The following MSI2 variants were observed in gnomAD, a reference collection of about 807,000 sequenced individuals.
MSI2 encodes musashi RNA binding protein 2.
In MSI2, 17 loss-of-function variants were observed where a neutral mutation model predicts 45.6. That is an observed-to-expected ratio of 0.37 (90% CI 0.26 to 0.56). The LOEUF is 0.56. Among genes scored for constraint, MSI2 ranks in the 20% least tolerant of loss-of-function variants. The pLI, the probability that MSI2 is intolerant of heterozygous loss-of-function variation, is 0.77. For missense variants in MSI2, 293 were observed against 444.2 expected, an observed-to-expected ratio of 0.66 and a Z score of 3.06; for synonymous variants, 156 against 158.2, an observed-to-expected ratio of 0.99 and a Z score of 0.11.
intron 6 of MSI2, among the ~76,000 whole-genome samples, chr17:57,485,943 A>G (rs953898494): frequency 1.3e-5 from 2 of 152,166 alleles, no homozygotes; most frequent in African/African-American, 4.8e-5. Context: ...GACTGCCCAC[A>G]CCACACCAAT....
intron 6 of MSI2, among the ~76,000 whole-genome samples, chr17:57,516,335 A>G (rs1179399385): frequency 6.6e-6 from 1 of 152,150 alleles, no homozygotes; most frequent in Non-Finnish European, 1.5e-5. Context: ...TTCACTTGGT[A>G]TGATCCCTCT....
In MSI2 at chr17:57,529,625, G is replaced by C; in HGVS notation, c.406-51G>C. 1.3e-6 allele frequency: 2 copies of C among 1,557,014 alleles called. No individual in the cohort carries two copies. Among genetic ancestry groups the C allele is most frequent in the South Asian group, 1.1e-5 (1 of 89,086 alleles). ...CCCCGACATGCATATAATGTTTTGT[G>C]TACTTTCTTAAAATTCCTAAGGCAG... On this transcript the variant is annotated intron_variant, in intron 6 of 13. Coordinates refer to ENST00000284073, the MANE Select transcript of MSI2 (RefSeq NM_138962.4). The surrounding 1 kb of genome is among the most constrained non-coding windows in gnomAD (Gnocchi z 5.3).
intron 6 of MSI2, among the ~76,000 whole-genome samples, chr17:57,420,469 G>A (rs1445278000): frequency 1.3e-5 from 2 of 152,198 alleles, no homozygotes; most frequent in African/African-American, 4.8e-5. Flanking sequence ...GATGATTAAT[G>A]TCCATAGCCA....
chr17:57,333,168 A>G (rs1914407256), intron 5 of MSI2, among the ~76,000 whole-genome samples: 1 of 152,204 alleles, frequency 6.6e-6, no homozygotes, highest in Non-Finnish European at 1.5e-5. Context: ...TGAAATGGAA[A>G]TGATATCCCC....
At chr17:57,415,510 G>A (rs1164194817) in intron 6 of MSI2, among the ~76,000 whole-genome samples, 1 of 152,100 alleles carries the variant, frequency 6.6e-6, no homozygotes, top group Non-Finnish European at 1.5e-5. Context: ...TGTCTCCTGA[G>A]CCTGGTTTCT....
intron 7 of MSI2, among the ~76,000 whole-genome samples, chr17:57,550,347 C>G (rs1348227337): frequency 6.6e-5 from 10 of 152,104 alleles, no homozygotes; most frequent in Non-Finnish European, 1.5e-5. Flanking sequence ...ACGGACACCC[C>G]CGTTTGGGAC....
intron 5 of MSI2, chr17:57,264,150 C>T (rs1268547217): frequency 6.6e-6 from 1 of 152,150 alleles, no homozygotes; most frequent in Non-Finnish European, 1.5e-5. Context: ...TCGGTTTTCT[C>T]ATCATTGTTC....
chr17:57,401,590 C>A, intron 6 of MSI2, 119 bp downstream of exon 6: 1 of 728,390 alleles, frequency 1.4e-6, no homozygotes, highest in Non-Finnish European at 2.4e-6. Context: ...TGTCCTTGAA[C>A]CTGGCCATCA....
chr17:57,581,340 T>A (rs981661439), intron 7 of MSI2, among the ~76,000 whole-genome samples: 2 of 152,074 alleles, frequency 1.3e-5, no homozygotes, highest in African/African-American at 4.8e-5. Flanking sequence ...TCCTACTTTA[T>A]AGGTGGGGAC....
At chr17:57,551,412 G>T (rs1258372825) in intron 7 of MSI2, among the ~76,000 whole-genome samples, 6 of 152,134 alleles carry the variant, frequency 3.9e-5, no homozygotes, top group African/African-American at 1.4e-4. Context: ...GAGGGCGGAG[G>T]TCTGTAGGTG....
At chr17:57,460,050 A>AC (rs528309674) in intron 6 of MSI2, among the ~76,000 whole-genome samples, 120 of 151,982 alleles carry the variant, frequency 7.9e-4, no homozygotes, top group African/African-American at 2.8e-3. Flanking sequence ...AATTGCCTGA[A>AC]CCCGGGGGGT....
chr17:57,454,859 C>T (rs1390938604), intron 6 of MSI2, among the ~76,000 whole-genome samples: 4 of 152,210 alleles, frequency 2.6e-5, no homozygotes, highest in African/African-American at 7.2e-5. Context: ...GAGGTAACAG[C>T]GCAGCCCCTC....
chr17:57,282,927 C>CATCT (rs1334271762), intron 5 of MSI2, among the ~76,000 whole-genome samples: 1 of 144,668 alleles, frequency 6.9e-6, no homozygotes, highest in Non-Finnish European at 1.5e-5. Context: ...ATTGAGGCGG[C>CATCT]ATCTGGGCCC....
intron 5 of MSI2, among the ~76,000 whole-genome samples, chr17:57,352,429 T>C (rs567781057): frequency 2.0e-5 from 3 of 152,086 alleles, no homozygotes; most frequent in Non-Finnish European, 4.4e-5. Context: ...GGGGAGGAAA[T>C]AGGACTCTAA....
chr17:57,296,536 G>T (rs748971878), intron 5 of MSI2, among the ~76,000 whole-genome samples: 116 of 152,220 alleles, frequency 7.6e-4, no homozygotes, highest in Non-Finnish European at 1.5e-3. Flanking sequence ...TAGGGAGAAG[G>T]ATTAAGTCTT....
At chr17:57,495,298 C>T (rs2085953859) in intron 6 of MSI2, among the ~76,000 whole-genome samples, 1 of 151,960 alleles carries the variant, frequency 6.6e-6, no homozygotes, top group Non-Finnish European at 1.5e-5. Context: ...TTTGGGAGGC[C>T]GAGGCAGGCG....
intron 7 of MSI2, among the ~76,000 whole-genome samples, chr17:57,575,147 T>TCCCCCACCCCC (rs371180511): frequency 8.4e-6 from 1 of 119,544 alleles, no homozygotes; most frequent in Admixed American, 8.6e-5. Flanking sequence ...CTTTTTTAAC[T>TCCCCCACCCCC]CCCTCCCCCC....
Position 57,681,021 on chromosome 17 carries a change from C to T in MSI2, c.*1504C>T, listed in dbSNP as rs1350281832. 1 of 185,084 alleles carries T rather than the reference C, an allele frequency of 5.4e-6. No homozygotes were observed. Among genetic ancestry groups the T allele is most frequent in the Non-Finnish European group, 1.1e-5 (1 of 87,498 alleles). The allele number at this position is 185,084 out of a possible 1,614,324, so 11.5% of individuals were successfully genotyped here. ...GGTTTATATATATTTTTTTTAATAC[C>T]TCAGTGCTGCAAGTATCACCAGAGA... On this transcript the variant is annotated 3_prime_UTR_variant, in exon 14 of 14. Coordinates refer to ENST00000284073, the MANE Select transcript of MSI2 (RefSeq NM_138962.4).
At chr17:57,409,247 A>G (rs2084142911) in intron 6 of MSI2, among the ~76,000 whole-genome samples, 1 of 152,206 alleles carries the variant, frequency 6.6e-6, no homozygotes, top group Non-Finnish European at 1.5e-5. Context: ...CTGATATTTA[A>G]TAGCTTTTAG....
Sources: gnomAD v4.1 joint callset for allele counts (sites outside exome capture counted in the v4.1 genomes callset) on GRCh38, gnomAD v4.1.1 for gene constraint, Gnocchi (gnomAD v3.1) non-coding constraint, MANE v1.5 for transcripts, NCBI Gene and HGNC (gene_info 2026-07-23, HGNC 2026-07-21) for gene names.